PBX3: variants seen among roughly 807,000 people sequenced by gnomAD.
The protein encoded by PBX3 is PBX homeobox 3.
In PBX3, 14 loss-of-function variants were observed where a neutral mutation model predicts 48.5. The ratio of observed to expected loss-of-function variants is 0.29; its 90% CI spans 0.19 to 0.45. The LOEUF (loss-of-function observed/expected upper bound fraction) is 0.45. PBX3 is among the 20% of genes least tolerant of loss of function. PBX3 has a pLI of 1.00. For missense variants in PBX3, 386 were observed against 546.7 expected, an observed-to-expected ratio of 0.71 and a Z score of 2.93; for synonymous variants, 210 against 200.3, an observed-to-expected ratio of 1.05 and a Z score of -0.41.
At chr9:125,858,134 C>A (rs142088115) in intron 2 of PBX3, among the ~76,000 whole-genome samples, 2 of 152,068 alleles carry the variant, frequency 1.3e-5, no homozygotes, top group African/African-American at 4.8e-5. Flanking sequence ...GAGGCCAAAG[C>A]GGGAGGATCA....
chr9:125,831,027 C>T (rs536254129), intron 2 of PBX3, among the ~76,000 whole-genome samples: 2 of 152,170 alleles, frequency 1.3e-5, no homozygotes, highest in Admixed American at 6.5e-5. Context: ...TCCTGCCCCC[C>T]ACCTGTCCTT....
intron 2 of PBX3, among the ~76,000 whole-genome samples, chr9:125,858,661 T>C (rs1449230324): frequency 6.8e-6 from 1 of 147,726 alleles, no homozygotes; most frequent in Non-Finnish European, 1.5e-5. Context: ...GTTTCACTCT[T>C]GTTGCCCAGG....
chr9:125,860,222 G>A (rs769683729), intron 2 of PBX3, among the ~76,000 whole-genome samples: 1 of 152,172 alleles, frequency 6.6e-6, no homozygotes, highest in Non-Finnish European at 1.5e-5. Flanking sequence ...GCAACTTCTG[G>A]ATGTTTTATC....
Position 125,859,041 on chromosome 9 carries a change from C to G in PBX3, c.275-56645C>G, listed in dbSNP as rs953788826. On this transcript the variant is annotated intron_variant, in intron 2 of 8. Coordinates refer to ENST00000373489, the MANE Select transcript of PBX3 (RefSeq NM_006195.6). ...CTACAGCTTCTGCCCATAGACAAGT[C>G]TAAGGCCTGTGCATGTTTACAGGGA... 5.9e-5 allele frequency among the ~76,000 whole-genome samples: 9 copies of G among 152,290 alleles called. No individual in the cohort carries two copies. The East Asian group carries it at 1.4e-3, about 23-fold the overall frequency.
At position 125,966,201 on chromosome 9, in the gene PBX3, A is replaced by C. The variant is rs1396776258; in HGVS notation, c.*278A>C. 3.9e-6 allele frequency: 1 copy of C among 254,456 alleles called. No homozygotes were observed. Among genetic ancestry groups the C allele is most frequent in the Non-Finnish European group, 7.5e-6 (1 of 132,964 alleles). 15.8% of individuals were successfully genotyped at this position (254,456 alleles called of 1,614,324 possible). ...AGCTATTTTATCATAATTTATTATC[A>C]ATATTTTACATTAATGGTTTCACAG... On this transcript the variant is annotated 3_prime_UTR_variant, in exon 9 of 9. Coordinates refer to ENST00000373489, the MANE Select transcript of PBX3 (RefSeq NM_006195.6).
intron 4 of PBX3, among the ~76,000 whole-genome samples, chr9:125,935,114 T>C (rs376574116): frequency 5.7e-4 from 87 of 152,304 alleles, no homozygotes; most frequent in African/African-American, 2.0e-3. Context: ...TTAGACAAGA[T>C]ATTTCTGTTT....
chr9:125,903,989 G>A (rs1041247129), intron 2 of PBX3, among the ~76,000 whole-genome samples: 1 of 151,736 alleles, frequency 6.6e-6, no homozygotes, highest in Non-Finnish European at 1.5e-5. Context: ...CCTTACTTAG[G>A]GGTGATTAGT....
intron 2 of PBX3, among the ~76,000 whole-genome samples, chr9:125,848,249 C>G (rs1052051032): frequency 2.0e-5 from 3 of 152,058 alleles, no homozygotes; most frequent in Non-Finnish European, 2.9e-5. Context: ...TAGTACATCT[C>G]TCACCTAAAA....
chr9:125,918,696 C>T (rs777299414), intron 3 of PBX3, among the ~76,000 whole-genome samples: 5 of 152,112 alleles, frequency 3.3e-5, no homozygotes, highest in Non-Finnish European at 5.9e-5. Flanking sequence ...CACATTTTCT[C>T]CTGTAGGTTT....
chr9:125,852,127 A>T (rs918277400), intron 2 of PBX3, among the ~76,000 whole-genome samples: 1 of 152,046 alleles, frequency 6.6e-6, no homozygotes. Flanking sequence ...AATGCCCCCT[A>T]CTTTGTCAGG....
At chr9:125,817,988 G>A (rs1299301249) in intron 2 of PBX3, among the ~76,000 whole-genome samples, 2 of 152,134 alleles carry the variant, frequency 1.3e-5, no homozygotes, top group Admixed American at 1.3e-4. Flanking sequence ...GGATCACGAG[G>A]TCAGGAGATC....
chr9:125,890,394 G>A (rs1840613147), intron 2 of PBX3, among the ~76,000 whole-genome samples: 1 of 152,176 alleles, frequency 6.6e-6, no homozygotes, highest in South Asian at 2.1e-4. Context: ...ATTCCAAAGG[G>A]AATTCCACAG....
chr9:125,886,633 C>G (rs976083932), intron 2 of PBX3, among the ~76,000 whole-genome samples: 1 of 152,084 alleles, frequency 6.6e-6, no homozygotes, highest in Middle Eastern at 3.2e-3. Flanking sequence ...ACGGAAAAAA[C>G]CAGCATAAAA....
At chr9:125,800,568 C>A (rs76528989) in intron 2 of PBX3, among the ~76,000 whole-genome samples, 1 of 152,026 alleles carries the variant, frequency 6.6e-6, no homozygotes, top group Non-Finnish European at 1.5e-5. Flanking sequence ...TATCCCAACA[C>A]CTCAGTGAAA....
chr9:125,769,048 G>C (rs1035986559), intron 2 of PBX3, among the ~76,000 whole-genome samples: 4 of 152,114 alleles, frequency 2.6e-5, no homozygotes, highest in Non-Finnish European at 5.9e-5. Flanking sequence ...TGCAGCCTAA[G>C]TGCTTTGTGG....
chr9:125,785,500 G>C (rs1411705385), intron 2 of PBX3, among the ~76,000 whole-genome samples: 11 of 152,168 alleles, frequency 7.2e-5, no homozygotes, highest in Admixed American at 6.5e-4. Flanking sequence ...TACATCAGTG[G>C]TTTCCCAGGG....
At chr9:125,872,418 A>T (rs1840146708) in intron 2 of PBX3, among the ~76,000 whole-genome samples, 1 of 152,196 alleles carries the variant, frequency 6.6e-6, no homozygotes, top group African/African-American at 2.4e-5. Flanking sequence ...TGATGGTAAG[A>T]TGATGGGGAA....
intron 2 of PBX3, among the ~76,000 whole-genome samples, chr9:125,763,978 T>A (rs937582338): frequency 6.6e-6 from 1 of 152,184 alleles, no homozygotes; most frequent in Admixed American, 6.5e-5. Context: ...CACATTCTTT[T>A]CTTCACTTGT....
chr9:125,915,065 G>A (rs1316219313), intron 2 of PBX3, among the ~76,000 whole-genome samples: 5 of 152,070 alleles, frequency 3.3e-5, no homozygotes, highest in Non-Finnish European at 5.9e-5. Flanking sequence ...TAGTTTGCTG[G>A]CAATTGCTTA....
Sources: allele counts gnomAD v4.1 joint callset (sites outside exome capture counted in the v4.1 genomes callset), GRCh38; gene constraint gnomAD v4.1.1; transcripts MANE v1.5; gene names NCBI Gene and HGNC (gene_info 2026-07-23, HGNC 2026-07-21).